The following CDH13 variants were observed in gnomAD, a reference collection of about 807,000 sequenced individuals.
CDH13 encodes the protein cadherin 13.
CDH13 carries 24 observed loss-of-function variants against 63.8 expected under a neutral mutation model. That is an observed-to-expected ratio of 0.38 (90% CI 0.27 to 0.53). CDH13 has a LOEUF of 0.53. Ranked by LOEUF, CDH13 falls within the 20% of genes least tolerant of loss-of-function variation. The pLI is 0.85. For missense variants in CDH13, 1,049 were observed against 903.1 expected, an observed-to-expected ratio of 1.16 and a Z score of -2.07; for synonymous variants, 503 against 355.3, an observed-to-expected ratio of 1.42 and a Z score of -4.67.
At chr16:83,573,063 A>G (rs564771904) in intron 7 of CDH13, among the ~76,000 whole-genome samples, 1 of 152,340 alleles carries the variant, frequency 6.6e-6, no homozygotes, top group South Asian at 2.1e-4. Flanking sequence ...TAAGAACATC[A>G]TCTCACACCA....
At chr16:83,730,303 G>C (rs149896593) in intron 10 of CDH13, among the ~76,000 whole-genome samples, 1 of 152,164 alleles carries the variant, frequency 6.6e-6, no homozygotes, top group Admixed American at 6.5e-5. Context: ...GAATTCTTGC[G>C]CAAAGGGGGA....
chr16:83,764,778 G>T (rs1159026023), intron 11 of CDH13, among the ~76,000 whole-genome samples: 1 of 151,074 alleles, frequency 6.6e-6, no homozygotes, highest in Non-Finnish European at 1.5e-5. Context: ...GCCTCCTGAA[G>T]TCAGCCCTTT....
chr16:82,719,389 T>C (rs1334168243), intron 1 of CDH13: 1 of 455,852 alleles, frequency 2.2e-6, no homozygotes, highest in Non-Finnish European at 4.4e-6. Flanking sequence ...CAAGTCCCAG[T>C]TCCAGGCCCT....
chr16:83,624,614 C>G (rs1292126012), intron 8 of CDH13, among the ~76,000 whole-genome samples: 1 of 152,170 alleles, frequency 6.6e-6, no homozygotes, highest in Non-Finnish European at 1.5e-5. Context: ...GTCATGCTCA[C>G]TCACAGGATG....
chr16:82,753,315 A>G (rs1262277150), intron 1 of CDH13, among the ~76,000 whole-genome samples: 1 of 152,166 alleles, frequency 6.6e-6, no homozygotes, highest in Non-Finnish European at 1.5e-5. Context: ...CTCAAAAACA[A>G]TATGCATATC....
At chr16:83,116,027 C>G (rs2035277468) in intron 3 of CDH13, among the ~76,000 whole-genome samples, 1 of 152,212 alleles carries the variant, frequency 6.6e-6, no homozygotes, top group African/African-American at 2.4e-5. Context: ...CCTCTCAAAT[C>G]TCACCACTTC....
chr16:82,630,014 G>A (rs1035335485), intron 1 of CDH13, among the ~76,000 whole-genome samples: 7 of 152,164 alleles, frequency 4.6e-5, no homozygotes, highest in African/African-American at 1.7e-4. Context: ...AGTCGCTTGG[G>A]AGTGACTGAA....
At chr16:83,410,463 T>C (rs1305112655) in intron 6 of CDH13, among the ~76,000 whole-genome samples, 9 of 152,196 alleles carry the variant, frequency 5.9e-5, no homozygotes, top group Non-Finnish European at 1.0e-4. Flanking sequence ...ATCAAGATAA[T>C]GCCAGACTCT....
chr16:83,258,205 G>T (rs1249332559), intron 5 of CDH13, among the ~76,000 whole-genome samples: 2 of 152,184 alleles, frequency 1.3e-5, no homozygotes, highest in Non-Finnish European at 2.9e-5. Flanking sequence ...GGAAAGCATA[G>T]CTCTACAGAG....
intron 7 of CDH13, among the ~76,000 whole-genome samples, chr16:83,582,583 A>G (rs1183462615): frequency 6.6e-6 from 1 of 152,144 alleles, no homozygotes; most frequent in African/African-American, 2.4e-5. Context: ...GCTGCTGCCC[A>G]TAAGGGTTGT....
chr16:82,727,721 T>C (rs1441095262), intron 1 of CDH13: 2 of 152,184 alleles, frequency 1.3e-5, no homozygotes, highest in Non-Finnish European at 2.9e-5. Flanking sequence ...ACATTACCAG[T>C]AGCTGGCTTA....
intron 3 of CDH13, among the ~76,000 whole-genome samples, chr16:83,092,353 G>A (rs188241689): frequency 1.3e-5 from 2 of 152,210 alleles, no homozygotes; most frequent in South Asian, 4.1e-4. Flanking sequence ...GACGGCTACT[G>A]TTAGTACAGA....
intron 5 of CDH13, among the ~76,000 whole-genome samples, chr16:83,273,940 C>A (rs2088903856): frequency 4.6e-5 from 7 of 152,112 alleles, no homozygotes; most frequent in Admixed American, 4.6e-4. Flanking sequence ...TAATGATTCA[C>A]CCATACTAGT....
At chr16:82,753,634 A>G (rs1237249045) in intron 1 of CDH13, among the ~76,000 whole-genome samples, 1 of 152,204 alleles carries the variant, frequency 6.6e-6, no homozygotes, top group Non-Finnish European at 1.5e-5. Flanking sequence ...AGAGGCATGG[A>G]CTTTGATTCT....
At chr16:82,889,330 C>A (rs1015402268) in intron 2 of CDH13, among the ~76,000 whole-genome samples, 1 of 151,834 alleles carries the variant, frequency 6.6e-6, no homozygotes, top group Admixed American at 6.6e-5. Context: ...CTCTACCTAC[C>A]TACCTATCTA....
intron 1 of CDH13, among the ~76,000 whole-genome samples, chr16:82,670,133 C>G (rs1913065428): frequency 6.6e-6 from 1 of 152,158 alleles, no homozygotes; most frequent in South Asian, 2.1e-4. Flanking sequence ...GGTTGGACTG[C>G]CCACTCCAGT....
intron 2 of CDH13, among the ~76,000 whole-genome samples, chr16:82,947,974 T>C (rs879691803): frequency 3.3e-5 from 5 of 152,210 alleles, no homozygotes; most frequent in Non-Finnish European, 5.9e-5. Context: ...GAAAGGACCA[T>C]ATTGAATTCA....
intron 2 of CDH13, among the ~76,000 whole-genome samples, chr16:82,965,027 C>G (rs1372748434): frequency 6.6e-6 from 1 of 152,220 alleles, no homozygotes; most frequent in Non-Finnish European, 1.5e-5. Context: ...TCGCTGAGTA[C>G]TGTCAAAGAA....
In CDH13 at chr16:83,795,709, T is replaced by A. The variant is rs368804615; in HGVS notation, c.*679T>A. ...TTCGAGGACTACAACCAATTTACAC[T>A]GCCATCTGATGCCGTGATCCTGAGC... On this transcript the variant is annotated 3_prime_UTR_variant, in exon 14 of 14. Coordinates refer to ENST00000567109, the MANE Select transcript of CDH13 (RefSeq NM_001257.5). 2 of 152,226 alleles carry A rather than the reference T, an allele frequency of 1.3e-5. No homozygotes were observed. Among genetic ancestry groups the A allele is most frequent in the Non-Finnish European group, 2.9e-5 (2 of 68,044 alleles). The allele number at this position is 152,226 out of a possible 1,614,324, so 9.4% of individuals were successfully genotyped here. A position where few individuals can be genotyped will look rare whatever the true frequency, so the allele number is the denominator to read the frequency against.
Sources: gnomAD v4.1 joint callset for allele counts (sites outside exome capture counted in the v4.1 genomes callset) on GRCh38, gnomAD v4.1.1 for gene constraint, MANE v1.5 for transcripts, NCBI Gene and HGNC (gene_info 2026-07-23, HGNC 2026-07-21) for gene names.